The following ZNF532 variants were observed in gnomAD, a reference collection of about 807,000 sequenced individuals.
ZNF532 encodes the protein zinc finger protein 532.
ZNF532 carries 22 observed loss-of-function variants against 89.3 expected under a neutral mutation model. The ratio of observed to expected loss-of-function variants is 0.25; its 90% CI spans 0.18 to 0.35. The LOEUF (loss-of-function observed/expected upper bound fraction) is 0.35, where lower values mean the gene tolerates loss of function less well. Among genes scored for constraint, ZNF532 ranks in the 10% least tolerant of loss-of-function variants. The probability of loss-of-function intolerance (pLI) is 1.00; values close to 1 mark genes in which losing one functional copy is unlikely to be tolerated. For synonymous variants in ZNF532, 606 were observed against 649.6 expected (o/e 0.93, Z 1.02); for missense variants, 1,132 against 1,643.4 (o/e 0.69, Z 5.38).
chr18:58,898,698 T>A (rs1273784683), intron 2 of ZNF532, among the ~76,000 whole-genome samples: 8 of 152,204 alleles, frequency 5.3e-5, no homozygotes, highest in African/African-American at 1.9e-4. Flanking sequence ...TTTTATCGTA[T>A]TCCCTCACAC....
rs1046857038 is a variant in ZNF532, at chr18:58,963,666, G to T, written c.3150+9867G>T. On this transcript the variant is annotated intron_variant, in intron 7 of 9. Transcript: ENST00000591808. ...GTGTGTATGTATATAAATTTTTAAA[G>T]TGCCCACTTGGCCGGGTGCAGTGGC... Among the ~76,000 whole-genome samples, 18 of 150,176 alleles carry T rather than the reference G, an allele frequency of 1.2e-4. 1 individual carries two copies. Among genetic ancestry groups the T allele is most frequent in the African/African-American group, 3.4e-4 (14 of 40,590 alleles).
intron 2 of ZNF532, among the ~76,000 whole-genome samples, chr18:58,874,792 G>A (rs1340995531): frequency 6.6e-6 from 1 of 152,160 alleles, no homozygotes; most frequent in Non-Finnish European, 1.5e-5. Flanking sequence ...AATATGCCAG[G>A]TTAGCAAAAG....
Position 58,892,024 on chromosome 18 carries a change from T to A in ZNF532, c.-17-26247T>A, listed in dbSNP as rs1602716201. 4.6e-5 allele frequency among the ~76,000 whole-genome samples: 7 copies of A among 152,328 alleles called. 1 individual carries two copies. The highest frequency in any genetic ancestry group is 4.6e-4 in the Admixed American group (7 of 15,300). On this transcript the variant is annotated intron_variant, in intron 2 of 9. Coordinates refer to ENST00000591808, the MANE Select transcript of ZNF532 (RefSeq NM_001375912.1). ...ACTGTGAAATCAAGAATATATAGTA[T>A]CTTGATGGATAGAGTGACAGAAGGT...
intron 2 of ZNF532, among the ~76,000 whole-genome samples, chr18:58,912,014 C>G (rs1480340967): frequency 1.3e-5 from 2 of 151,916 alleles, no homozygotes; most frequent in Admixed American, 6.6e-5. Flanking sequence ...TCCTGATGTG[C>G]GAGGTGGGGA....
intron 2 of ZNF532, among the ~76,000 whole-genome samples, chr18:58,893,836 A>T (rs1287059124): frequency 6.6e-6 from 1 of 152,188 alleles, no homozygotes; most frequent in African/African-American, 2.4e-5. Context: ...TACAAGCCAG[A>T]GAGAGCAGTG....
At chr18:58,882,879 G>A (rs1346140640) in intron 2 of ZNF532, among the ~76,000 whole-genome samples, 1 of 152,198 alleles carries the variant, frequency 6.6e-6, no homozygotes, top group Non-Finnish European at 1.5e-5. Flanking sequence ...CACATTGGAG[G>A]TTCATGTTAG....
chr18:58,925,952 C>T (rs916602398), intron 3 of ZNF532, among the ~76,000 whole-genome samples: 1 of 152,206 alleles, frequency 6.6e-6, no homozygotes, highest in African/African-American at 2.4e-5. Context: ...ATCTGTGTGT[C>T]TGTCCCTCTA....
intron 2 of ZNF532, among the ~76,000 whole-genome samples, chr18:58,887,614 G>A (rs2058394247): frequency 1.3e-5 from 2 of 152,238 alleles, no homozygotes; most frequent in East Asian, 3.9e-4. Context: ...AAGAAAATGG[G>A]TAGTCTGCTG....
chr18:58,940,503 AAG>A (rs2062893953), intron 5 of ZNF532: 3 of 152,166 alleles, frequency 2.0e-5, no homozygotes, highest in African/African-American at 7.2e-5. Flanking sequence ...CAGCTTAACA[AAG>A]AGGAGGGAGT....
In ZNF532 at chr18:58,920,613, G is replaced by A. The variant is rs201386066; in HGVS notation, c.2326G>A (p.Ala776Thr). The part of the protein sequence containing the change: ...ETSLATHFQQ[A>T]ADTSGQKTCT... ...ATCACTGGCTACACATTTCCAGCAG[G>A]CTGCAGATACGAGTGGACAAGTAGA... The change falls in exon 3 of 10, where the codon GCT (alanine) becomes ACT (threonine). Residue 776 changes from alanine (A) to threonine (T), a missense_variant. Around this residue, in one of 9 missense-constraint regions of ZNF532, gnomAD observed 100 missense variants for 122.0 expected, o/e 0.82. Coordinates refer to ENST00000591808, the MANE Select transcript of ZNF532 (RefSeq NM_001375912.1). 1 of 1,592,938 alleles carries A rather than the reference G, an allele frequency of 6.3e-7. No homozygotes were observed. The highest frequency in any genetic ancestry group is 2.2e-5 in the East Asian group (1 of 44,510).
chr18:58,883,788 G>T (rs569214399), intron 2 of ZNF532, among the ~76,000 whole-genome samples: 1 of 152,292 alleles, frequency 6.6e-6, no homozygotes, highest in East Asian at 1.9e-4. Context: ...CCTCCCCCAA[G>T]TTAGAACAAC....
intron 2 of ZNF532, among the ~76,000 whole-genome samples, chr18:58,888,753 ATAAAATT>A (rs2058545612): frequency 2.5e-5 from 1 of 40,304 alleles, no homozygotes; most frequent in African/African-American, 1.2e-4. Context: ...TTATATATAT[ATAAAATT>A]AATATATATA....
intron 2 of ZNF532, among the ~76,000 whole-genome samples, chr18:58,900,999 G>A (rs970175625): frequency 5.3e-5 from 8 of 152,208 alleles, no homozygotes; most frequent in African/African-American, 1.9e-4. Context: ...AAAGAAACTC[G>A]TGAATTCACT....
chr18:58,942,175 A>G (rs2063166765), intron 5 of ZNF532, among the ~76,000 whole-genome samples: 1 of 149,840 alleles, frequency 6.7e-6, no homozygotes, highest in Admixed American at 6.6e-5. Flanking sequence ...GGCGCCCACC[A>G]CCACGCCTGG....
At chr18:58,934,798 T>C (rs2146467857) in intron 4 of ZNF532, among the ~76,000 whole-genome samples, 184 bp downstream of exon 4, 1 of 152,266 alleles carries the variant, frequency 6.6e-6, no homozygotes, top group African/African-American at 2.4e-5. Context: ...ATATTGGCCC[T>C]GCTGGTCCGC....
chr18:58,889,931 A>G (rs2058762101), intron 2 of ZNF532, among the ~76,000 whole-genome samples: 1 of 151,396 alleles, frequency 6.6e-6, no homozygotes. Context: ...AAAATAAAAA[A>G]TTAGCCAGGT....
At chr18:58,917,412 T>C (rs933069439) in intron 2 of ZNF532, among the ~76,000 whole-genome samples, 1 of 152,238 alleles carries the variant, frequency 6.6e-6, no homozygotes, top group Admixed American at 6.5e-5. Flanking sequence ...CAGGAAACAG[T>C]AGAGTCTCAG....
At position 58,980,348 on chromosome 18, in the gene ZNF532, T is replaced by C. The variant is rs1343911851; in HGVS notation, c.3264-1122T>C. 2.0e-5 allele frequency: 3 copies of C among 152,310 alleles called. No individual in the cohort carries two copies. The East Asian group carries it at 5.8e-4, about 29-fold the overall frequency. The allele number at this position is 152,310 out of a possible 1,614,324, so 9.4% of individuals were successfully genotyped here. ...GCTTCACTGATAGGTTTTGTTTATT[T>C]CCCCATGAACTCACTGTAAAGCAGT... is the stretch of plus-strand genomic sequence containing the variant. On this transcript the variant is annotated intron_variant, in intron 8 of 9. Transcript: ENST00000591808.
Position 58,904,235 on chromosome 18 carries a change from C to T in ZNF532, c.-17-14036C>T, listed in dbSNP as rs372736240. The stretch of plus-strand genomic sequence containing the variant: ...GTGTGGTGGTGTGCACCTGTAGTCC[C>T]AGCTACTTGGGAGTCTGAGGTGAGA... On this transcript the variant is annotated intron_variant, in intron 2 of 9. Transcript: ENST00000591808. Among the ~76,000 whole-genome samples the T allele has an allele frequency of 5.0e-4, 76 of 151,896 alleles. 1 individual carries two copies. In the South Asian group the frequency reaches 0.016, roughly 31 times the overall value.
Sources: allele counts gnomAD v4.1 joint callset (sites outside exome capture counted in the v4.1 genomes callset), GRCh38; gene constraint gnomAD v4.1.1; regional missense constraint gnomAD v4.1.1; transcripts MANE v1.5; gene names NCBI Gene and HGNC (gene_info 2026-07-23, HGNC 2026-07-21).